Variants in SAMD12 observed in about 807,000 individuals in gnomAD.
SAMD12 encodes sterile alpha motif domain-containing protein 12.
Under a neutral mutation model 15.0 loss-of-function variants are expected in SAMD12, and 9 were observed. The observed-to-expected ratio is 0.60, with a 90% CI of 0.36 to 1.05. The LOEUF is 1.05. Ranked by LOEUF, SAMD12 falls within the 50% of genes least tolerant of loss-of-function variation. SAMD12 has a pLI of 0.01. For missense variants in SAMD12, 230 were observed against 234.2 expected, an observed-to-expected ratio of 0.98 and a Z score of 0.12; for synonymous variants, 86 against 90.1, an observed-to-expected ratio of 0.96 and a Z score of 0.25.
At chr8:118,197,641 G>A in exon 5 of SAMD12, 1 of 1,302,352 alleles carries the variant, frequency 7.7e-7, no homozygotes, top group South Asian at 1.2e-5. Context: ...CCATGGGTTA[G>A]TCTTTCTGTG....
chr8:118,225,454 G>A (rs930487793), intron 4 of SAMD12, among the ~76,000 whole-genome samples: 1 of 152,156 alleles, frequency 6.6e-6, no homozygotes, highest in Non-Finnish European at 1.5e-5. Flanking sequence ...CAGGGTTTTT[G>A]GAGGCTGGCT....
intron 4 of SAMD12, among the ~76,000 whole-genome samples, chr8:118,203,471 T>C (rs1378114250): frequency 1.3e-5 from 2 of 152,144 alleles, no homozygotes; most frequent in Non-Finnish European, 2.9e-5. Context: ...CTGAACATTT[T>C]AGAATGTATA....
intron 4 of SAMD12, among the ~76,000 whole-genome samples, chr8:118,211,162 T>TC (rs892603633): frequency 2.6e-5 from 4 of 152,058 alleles, no homozygotes; most frequent in African/African-American, 7.2e-5. Context: ...CCAAGCCTTA[T>TC]CCCCCCATCT....
intron 4 of SAMD12, among the ~76,000 whole-genome samples, chr8:118,242,717 G>A (rs1277505975): frequency 6.6e-6 from 1 of 151,978 alleles, no homozygotes; most frequent in Non-Finnish European, 1.5e-5. Context: ...CCCTGCCCCT[G>A]CCACATCCCC....
intron 2 of SAMD12, among the ~76,000 whole-genome samples, chr8:118,461,966 C>G (rs963081822): frequency 2.0e-5 from 3 of 152,202 alleles, no homozygotes; most frequent in African/African-American, 7.2e-5. Flanking sequence ...TACAGGCATG[C>G]ATTGCTATGG....
chr8:118,504,548 A>G (rs1824873167), intron 2 of SAMD12, among the ~76,000 whole-genome samples: 1 of 152,196 alleles, frequency 6.6e-6, no homozygotes, highest in South Asian at 2.1e-4. Context: ...AGTTATGCCC[A>G]TGTCTTAATC....
intron 2 of SAMD12, among the ~76,000 whole-genome samples, chr8:118,552,434 T>C (rs6469758): frequency 0.43 from 64,635 of 151,982 alleles, 17,000 homozygotes; most frequent in Admixed American, 0.61. Flanking sequence ...AACCACATGG[T>C]TATCTCAATA....
intron 4 of SAMD12, among the ~76,000 whole-genome samples, chr8:118,356,384 G>C (rs1283927702): frequency 6.6e-6 from 1 of 152,168 alleles, no homozygotes; most frequent in Admixed American, 6.5e-5. Context: ...ATGCTGTTTC[G>C]TAGTCTTTCT....
At chr8:118,168,272 C>T in the SAMD12 span, among the ~76,000 whole-genome samples, 1 of 152,110 alleles carries the variant, frequency 6.6e-6, no homozygotes, top group African/African-American at 2.4e-5. Context: ...AAGGAGGGAC[C>T]ATTGGAGTGT....
At chr8:118,247,841 C>T (rs1812731374) in intron 4 of SAMD12, among the ~76,000 whole-genome samples, 1 of 152,048 alleles carries the variant, frequency 6.6e-6, no homozygotes, top group South Asian at 2.1e-4. Flanking sequence ...ATTCTGCCTG[C>T]CTTGGCCTCC....
chr8:118,260,041 A>G (rs1311018444), intron 4 of SAMD12, among the ~76,000 whole-genome samples: 1 of 152,108 alleles, frequency 6.6e-6, no homozygotes, highest in African/African-American at 2.4e-5. Flanking sequence ...CACAGTGGTG[A>G]ACAAAACAGA....
intron 2 of SAMD12, among the ~76,000 whole-genome samples, chr8:118,518,523 T>C (rs1009524450): frequency 2.0e-5 from 3 of 152,218 alleles, no homozygotes; most frequent in Non-Finnish European, 4.4e-5. Context: ...ACAGAGATTG[T>C]TATTCAGCTC....
At chr8:118,431,731 T>A (rs1822426184) in intron 3 of SAMD12, among the ~76,000 whole-genome samples, 1 of 149,390 alleles carries the variant, frequency 6.7e-6, no homozygotes, top group South Asian at 2.1e-4. Context: ...TGTGTGTGTT[T>A]GAGAAAAGTA....
At chr8:118,557,274 G>T (rs1041432921) in intron 2 of SAMD12, among the ~76,000 whole-genome samples, 9 of 152,168 alleles carry the variant, frequency 5.9e-5, no homozygotes, top group African/African-American at 2.2e-4. Context: ...CTCTCCTGCT[G>T]CCATGTAAGA....
intron 4 of SAMD12, among the ~76,000 whole-genome samples, chr8:118,201,518 T>A (rs1246797642): frequency 1.3e-5 from 2 of 152,244 alleles, no homozygotes; most frequent in African/African-American, 2.4e-5. Flanking sequence ...AATTTTTTTG[T>A]GGGTGATGCC....
chr8:118,174,289 C>T, the SAMD12 span, among the ~76,000 whole-genome samples: 1 of 152,112 alleles, frequency 6.6e-6, no homozygotes, highest in African/African-American at 2.4e-5. Flanking sequence ...CTGAAGGCTC[C>T]CTGTTTTTGC....
intron 4 of SAMD12, among the ~76,000 whole-genome samples, chr8:118,320,660 C>A (rs1586518008): frequency 1.1e-5 from 1 of 89,194 alleles, no homozygotes; most frequent in Admixed American, 1.3e-4. Flanking sequence ...CACACCGGGG[C>A]CTGTCGTGGG....
chr8:118,554,233 C>T (rs1025738451), intron 2 of SAMD12, among the ~76,000 whole-genome samples: 47 of 152,184 alleles, frequency 3.1e-4, no homozygotes, highest in African/African-American at 7.0e-4. Context: ...CACATGCACA[C>T]GTATGTTTAT....
At chr8:118,231,605 T>C (rs1482915592) in intron 4 of SAMD12, among the ~76,000 whole-genome samples, 2 of 152,174 alleles carry the variant, frequency 1.3e-5, no homozygotes, top group Non-Finnish European at 2.9e-5. Flanking sequence ...TTGGAGTATA[T>C]TAAGGTGATG....
Sources: allele counts gnomAD v4.1 joint callset (sites outside exome capture counted in the v4.1 genomes callset), GRCh38; gene constraint gnomAD v4.1.1; transcripts MANE v1.5; gene names NCBI Gene and HGNC (gene_info 2026-07-23, HGNC 2026-07-21).